AGBL4: variants seen among roughly 807,000 people sequenced by gnomAD.
AGBL4 encodes cytosolic carboxypeptidase 6.
Under a neutral mutation model 66.4 loss-of-function variants are expected in AGBL4, and 58 were observed. The observed-to-expected ratio is 0.87, with a 90% CI of 0.71 to 1.09. The LOEUF (loss-of-function observed/expected upper bound fraction) is 1.09, where lower values mean the gene tolerates loss of function less well. Among genes scored for constraint, AGBL4 ranks in the 50% least tolerant of loss-of-function variants. The pLI is 0.00. For synonymous variants in AGBL4, 234 were observed against 222.9 expected (o/e 1.05, Z -0.44); for missense variants, 579 against 631.0 (o/e 0.92, Z 0.88).
chr1:48,990,860 T>A (rs573353142), intron 5 of AGBL4, among the ~76,000 whole-genome samples: 84 of 152,300 alleles, frequency 5.5e-4, no homozygotes, highest in African/African-American at 2.0e-3. Flanking sequence ...AAGGGACAAC[T>A]AATGAAAATT....
chr1:48,898,243 T>C (rs564847901), intron 5 of AGBL4, among the ~76,000 whole-genome samples: 20 of 152,358 alleles, frequency 1.3e-4, no homozygotes, highest in Admixed American at 5.2e-4. Context: ...TTTCTCCCAT[T>C]CTGTGGGTTG....
intron 6 of AGBL4, among the ~76,000 whole-genome samples, chr1:48,841,400 A>ACCC (rs35019022): frequency 2.9e-5 from 3 of 103,424 alleles, no homozygotes; most frequent in African/African-American, 1.3e-4. Flanking sequence ...TTACTACAAA[A>ACCC]CCCCCCCCCC....
At chr1:49,269,605 G>A (rs544690045) in intron 3 of AGBL4, among the ~76,000 whole-genome samples, 1 of 152,264 alleles carries the variant, frequency 6.6e-6, no homozygotes, top group African/African-American at 2.4e-5. Flanking sequence ...AAAAGACCAT[G>A]TTGTTAGTCA....
intron 1 of AGBL4, among the ~76,000 whole-genome samples, chr1:49,878,486 A>C (rs989442000): frequency 9.9e-5 from 15 of 151,990 alleles, no homozygotes; most frequent in African/African-American, 3.1e-4. Context: ...GAGATTCTTA[A>C]TTCTGAGTTC....
At chr1:48,886,852 CG>C (rs1650410664) in intron 5 of AGBL4, among the ~76,000 whole-genome samples, 1 of 152,126 alleles carries the variant, frequency 6.6e-6, no homozygotes, top group African/African-American at 2.4e-5. Flanking sequence ...CGCCCAGCCA[CG>C]GTCAGCCACA....
intron 4 of AGBL4, among the ~76,000 whole-genome samples, chr1:49,049,791 G>A (rs1644170223): frequency 6.6e-6 from 1 of 151,926 alleles, no homozygotes; most frequent in African/African-American, 2.4e-5. Context: ...GCAGACTTCT[G>A]ATTCCATTTA....
chr1:49,726,925 AC>A (rs1258044643), intron 2 of AGBL4, among the ~76,000 whole-genome samples: 1 of 152,128 alleles, frequency 6.6e-6, no homozygotes, highest in Non-Finnish European at 1.5e-5. Flanking sequence ...TTTTTTTTAA[AC>A]AAAAACTCTT....
intron 11 of AGBL4, among the ~76,000 whole-genome samples, chr1:48,560,624 T>C (rs908414146): frequency 1.3e-5 from 2 of 152,222 alleles, no homozygotes; most frequent in Non-Finnish European, 2.9e-5. Flanking sequence ...TTCAATAATT[T>C]ACTTGAAGAA....
chr1:49,660,250 T>G (rs1261810685), intron 3 of AGBL4, among the ~76,000 whole-genome samples: 1 of 151,846 alleles, frequency 6.6e-6, no homozygotes, highest in African/African-American at 2.4e-5. Context: ...CTCAAACAAA[T>G]TTACAAGAAA....
chr1:49,567,938 A>G (rs1017342641), intron 3 of AGBL4, among the ~76,000 whole-genome samples: 2 of 152,244 alleles, frequency 1.3e-5, no homozygotes, highest in Non-Finnish European at 1.5e-5. Flanking sequence ...AAAAGTTTCA[A>G]TAAACTAGGT....
chr1:49,962,034 TATTTGAAGACA>T (rs950780824), intron 1 of AGBL4, among the ~76,000 whole-genome samples: 7 of 152,158 alleles, frequency 4.6e-5, no homozygotes, highest in Admixed American at 4.6e-4. Context: ...TTAGACTAGA[TATTTGAAGACA>T]AAAAAGAGAA....
intron 6 of AGBL4, among the ~76,000 whole-genome samples, chr1:48,774,825 T>C (rs1430990567): frequency 6.6e-6 from 1 of 152,112 alleles, no homozygotes; most frequent in Non-Finnish European, 1.5e-5. Flanking sequence ...AATGAATGAG[T>C]AGATGAATGA....
intron 3 of AGBL4, among the ~76,000 whole-genome samples, chr1:49,380,172 T>G: frequency 6.6e-6 from 1 of 151,782 alleles, no homozygotes. Flanking sequence ...ACAAAATCAA[T>G]GTACAAAAAT....
At position 49,594,399 on chromosome 1, in the gene AGBL4, G is replaced by C. The variant is rs138584819; in HGVS notation, c.282+102914C>G. On this transcript the variant is annotated intron_variant, in intron 3 of 13. Coordinates refer to ENST00000371839, the MANE Select transcript of AGBL4 (RefSeq NM_032785.4). ...CAGGGATACAAGTGCAGAACATGCAGGTTTGTTACATAGGTATACATGTGC... is the reference window on the plus strand; with the variant it reads ...CAGGGATACAAGTGCAGAACATGCACGTTTGTTACATAGGTATACATGTGC... Among the ~76,000 whole-genome samples the C allele has an allele frequency of 4.7e-4, 71 of 152,224 alleles. No homozygotes were observed. In the East Asian group the frequency reaches 0.013, roughly 27 times the overall value.
chr1:49,131,622 A>G (rs1645897523), intron 4 of AGBL4, among the ~76,000 whole-genome samples: 1 of 152,142 alleles, frequency 6.6e-6, no homozygotes. Flanking sequence ...ACATAACAGC[A>G]TGCACAAATA....
At chr1:49,745,538 A>G (rs534188749) in intron 2 of AGBL4, among the ~76,000 whole-genome samples, 1 of 152,120 alleles carries the variant, frequency 6.6e-6, no homozygotes, top group South Asian at 2.1e-4. Flanking sequence ...AAGGTCTTCA[A>G]ACATATCCCC....
intron 1 of AGBL4, among the ~76,000 whole-genome samples, chr1:49,874,328 A>G (rs1473064274): frequency 6.6e-6 from 1 of 152,130 alleles, no homozygotes; most frequent in Non-Finnish European, 1.5e-5. Context: ...CCATAAAAGA[A>G]GTGGAGGTTG....
At chr1:48,969,979 G>A (rs1337064007) in intron 5 of AGBL4, among the ~76,000 whole-genome samples, 1 of 152,092 alleles carries the variant, frequency 6.6e-6, no homozygotes, top group Non-Finnish European at 1.5e-5. Flanking sequence ...AACTCTTTGA[G>A]GATTCTTATT....
chr1:49,722,332 C>G (rs533310744), intron 2 of AGBL4, among the ~76,000 whole-genome samples: 1 of 152,206 alleles, frequency 6.6e-6, no homozygotes, highest in Admixed American at 6.5e-5. Flanking sequence ...CCACATAAAA[C>G]CTGGAACTGC....
Sources: allele counts gnomAD v4.1 joint callset (sites outside exome capture counted in the v4.1 genomes callset), GRCh38; gene constraint gnomAD v4.1.1; transcripts MANE v1.5; gene names NCBI Gene and HGNC (gene_info 2026-07-23, HGNC 2026-07-21).